SHISA6: variants seen among roughly 807,000 people sequenced by gnomAD.
The protein encoded by SHISA6 is protein shisa-6.
A neutral mutation model predicts 47.9 loss-of-function variants in SHISA6; 22 were observed. The observed-to-expected ratio is 0.46, with a 90% CI of 0.33 to 0.66. The LOEUF (loss-of-function observed/expected upper bound fraction) is 0.66, where lower values mean the gene tolerates loss of function less well. Ranked by LOEUF, SHISA6 falls within the 30% of genes least tolerant of loss-of-function variation. The pLI is 0.02. For missense variants in SHISA6, 680 were observed against 764.6 expected, an observed-to-expected ratio of 0.89 and a Z score of 1.30; for synonymous variants, 388 against 337.8, an observed-to-expected ratio of 1.15 and a Z score of -1.63.
chr17:11,531,278 T>C (rs931791796), intron 3 of SHISA6, among the ~76,000 whole-genome samples: 6 of 149,804 alleles, frequency 4.0e-5, no homozygotes, highest in Non-Finnish European at 7.4e-5. Flanking sequence ...AGTGTGTAAA[T>C]GTCTTTCCCC....
rs1005420504 is a variant in SHISA6, at chr17:11,242,076, G to A, written c.638+16G>A. On this transcript the variant is annotated intron_variant, in intron 1 of 5. Transcript: ENST00000441885. ...ACATCCACAGGTGAGAGCGCCGCGT[G>A]CCGCGCGCCCCGGTCTCCCCGCGGC... 1 of 1,549,050 alleles carries A rather than the reference G, an allele frequency of 6.5e-7. No individual in the cohort carries two copies. Among genetic ancestry groups the A allele is most frequent in the African/African-American group, 1.4e-5 (1 of 73,040 alleles).
chr17:11,526,180 C>T lies in SHISA6; in HGVS notation c.896-25716C>T, dbSNP rs112512428. Among the ~76,000 whole-genome samples, 1,203 of 150,036 alleles carry T rather than the reference C, an allele frequency of 8.0e-3. 18 individuals are homozygous for T. The highest frequency in any genetic ancestry group is 0.028 in the African/African-American group (1,160 of 40,952). ...TCAATTATCAGGATGAGTAAATGGC[C>T]TATATTCCTTTTCTAAAGTTCTCTC... is the stretch of plus-strand genomic sequence containing the variant. On this transcript the variant is annotated intron_variant, in intron 3 of 5. Transcript: ENST00000441885.
In SHISA6 at chr17:11,504,935, C is replaced by T. The variant is rs140049349; in HGVS notation, c.896-46961C>T. Among the ~76,000 whole-genome samples the T allele has an allele frequency of 5.1e-4, 77 of 152,310 alleles. 1 individual carries two copies. The East Asian group carries it at 0.013, about 25-fold the overall frequency. Reference sequence around the variant, plus strand: ...GCAACTGGGGTTTCATGAAGATGTTCAGTCACTATGTGTCTGACACTGCTG... The same window carrying T: ...GCAACTGGGGTTTCATGAAGATGTTTAGTCACTATGTGTCTGACACTGCTG... On this transcript the variant is annotated intron_variant, in intron 3 of 5. Transcript: ENST00000441885.
chr17:11,493,055 T>A (rs1002928733), intron 3 of SHISA6, among the ~76,000 whole-genome samples: 1 of 152,160 alleles, frequency 6.6e-6, no homozygotes, highest in Non-Finnish European at 1.5e-5. Context: ...AACACTAACA[T>A]TTATCCAACT....
intron 3 of SHISA6, among the ~76,000 whole-genome samples, chr17:11,450,704 G>GA (rs59717518): frequency 0.32 from 48,257 of 149,562 alleles, 8,054 homozygotes; most frequent in African/African-American, 0.42. Flanking sequence ...CAAAAGAAAA[G>GA]AAAAAAAAAT....
chr17:11,399,113 CAG>C (rs1913678461), intron 3 of SHISA6, among the ~76,000 whole-genome samples: 1 of 152,072 alleles, frequency 6.6e-6, no homozygotes, highest in South Asian at 2.1e-4. Flanking sequence ...CTAGGAATAA[CAG>C]TGGTAATTAA....
chr17:11,301,388 T>C (rs1362531994), intron 2 of SHISA6, among the ~76,000 whole-genome samples: 1 of 152,210 alleles, frequency 6.6e-6, no homozygotes, highest in African/African-American at 2.4e-5. Flanking sequence ...TTTGTCTTTC[T>C]AATTTTCCAC....
intron 2 of SHISA6, among the ~76,000 whole-genome samples, chr17:11,352,875 T>C (rs181068796): frequency 1.3e-5 from 2 of 152,344 alleles, no homozygotes; most frequent in Admixed American, 1.3e-4. Context: ...TACTAACTAT[T>C]TGGGGGAGAA....
chr17:11,506,250 CTCT>C (rs1263359043), intron 3 of SHISA6, among the ~76,000 whole-genome samples: 4 of 152,172 alleles, frequency 2.6e-5, no homozygotes, highest in African/African-American at 4.8e-5. Flanking sequence ...CTCCCTGCAT[CTCT>C]TCTTCTTTTG....
At chr17:11,484,892 T>A (rs926407362) in intron 3 of SHISA6, among the ~76,000 whole-genome samples, 1 of 152,182 alleles carries the variant, frequency 6.6e-6, no homozygotes, top group African/African-American at 2.4e-5. Context: ...TCTCAGGCAG[T>A]ATTTGGAGCC....
chr17:11,379,796 G>GTGGAAAACT, intron 3 of SHISA6: 1 of 320,380 alleles, frequency 3.1e-6, no homozygotes, highest in South Asian at 3.4e-5. Context: ...AGGGAGTGTG[G>GTGGAAAACT]TGGAAAACTG....
At chr17:11,392,734 C>T (rs918260753) in intron 3 of SHISA6, among the ~76,000 whole-genome samples, 1 of 152,174 alleles carries the variant, frequency 6.6e-6, no homozygotes, top group Admixed American at 6.5e-5. Flanking sequence ...TGAGCTATGC[C>T]CAGATTGGGG....
At chr17:11,302,879 G>T (rs1352157297) in intron 2 of SHISA6, among the ~76,000 whole-genome samples, 1 of 151,590 alleles carries the variant, frequency 6.6e-6, no homozygotes, top group Admixed American at 6.6e-5. Context: ...GAGGAGGGGG[G>T]CGTTTGAAAT....
chr17:11,258,560 T>C (rs1220996716), intron 1 of SHISA6, among the ~76,000 whole-genome samples: 3 of 152,196 alleles, frequency 2.0e-5, no homozygotes, highest in African/African-American at 7.2e-5. Flanking sequence ...ACCATATTTA[T>C]TTTAAAATTT....
At chr17:11,471,524 C>T (rs1230105855) in intron 3 of SHISA6, among the ~76,000 whole-genome samples, 1 of 152,224 alleles carries the variant, frequency 6.6e-6, no homozygotes, top group Non-Finnish European at 1.5e-5. Context: ...ATATGCCCAG[C>T]TTCCTCTCAT....
At position 11,288,668 on chromosome 17, in the gene SHISA6, A is replaced by C. The variant is rs1172108805; in HGVS notation, c.799+25142A>C. 2.0e-5 allele frequency: 3 copies of C among 152,318 alleles called. No homozygotes were observed. In the East Asian group the frequency reaches 5.8e-4, roughly 29 times the overall value. 9.4% of individuals were successfully genotyped at this position (152,318 alleles called of 1,614,324 possible). A position where few individuals can be genotyped will look rare whatever the true frequency, so the allele number is the denominator to read the frequency against. On this transcript the variant is annotated intron_variant, in intron 2 of 5. Coordinates refer to ENST00000441885, the MANE Select transcript of SHISA6 (RefSeq NM_207386.4). ...TTTAGAATAAGATTCTACTTTACACAGTATTCCTGTTGTGAATTCTGTCAT... is the reference window on the plus strand; with the variant it reads ...TTTAGAATAAGATTCTACTTTACACCGTATTCCTGTTGTGAATTCTGTCAT...
At chr17:11,359,609 A>G (rs532604035) in intron 2 of SHISA6, among the ~76,000 whole-genome samples, 40 of 152,304 alleles carry the variant, frequency 2.6e-4, no homozygotes, top group African/African-American at 9.4e-4. Flanking sequence ...CTCTAATTCT[A>G]CATGATTTTA....
At chr17:11,438,337 C>T (rs574508972) in intron 3 of SHISA6, among the ~76,000 whole-genome samples, 1 of 152,248 alleles carries the variant, frequency 6.6e-6, no homozygotes, top group African/African-American at 2.4e-5. Flanking sequence ...CCAGGGCTGC[C>T]ATAACAAAAT....
chr17:11,269,940 T>A (rs1329166349), intron 2 of SHISA6, among the ~76,000 whole-genome samples: 1 of 152,206 alleles, frequency 6.6e-6, no homozygotes, highest in Non-Finnish European at 1.5e-5. Context: ...GAGCACTAAT[T>A]GTTAAAATTA....
Sources: gnomAD v4.1 joint callset for allele counts (sites outside exome capture counted in the v4.1 genomes callset) on GRCh38, gnomAD v4.1.1 for gene constraint, MANE v1.5 for transcripts, NCBI Gene and HGNC (gene_info 2026-07-23, HGNC 2026-07-21) for gene names.